Variants in CLK3 observed in about 807,000 individuals in gnomAD.
The protein encoded by CLK3 is CDC like kinase 3.
CLK3 carries 24 observed loss-of-function variants against 65.2 expected under a neutral mutation model. The observed-to-expected ratio is 0.37, with a 90% CI of 0.27 to 0.52. The LOEUF (loss-of-function observed/expected upper bound fraction) is 0.52. Ranked by LOEUF, CLK3 falls within the 20% of genes least tolerant of loss-of-function variation. The pLI, the probability that CLK3 is intolerant of heterozygous loss-of-function variation, is 0.92. For synonymous variants in CLK3, 252 were observed against 240.8 expected, an observed-to-expected ratio of 1.05 and a Z score of -0.43; for missense variants, 506 against 660.0, an observed-to-expected ratio of 0.77 and a Z score of 2.56.
chr15:74,619,918 C>T (rs1165840695), intron 2 of CLK3, 91 bp from the exon 3 acceptor site: 1 of 1,583,022 alleles, frequency 6.3e-7, no homozygotes, highest in Non-Finnish European at 8.6e-7. Flanking sequence ...GGCTGTCCCC[C>T]TTTAGCCCTT....
chr15:74,615,930 AGCGGCG>A, intron 1 of CLK3, 32 bp downstream of exon 1: 1 of 1,235,778 alleles, frequency 8.1e-7, no homozygotes, highest in African/African-American at 1.6e-5. Context: ...CGGCGGCGAC[AGCGGCG>A]GCGGCGGCCG....
At chr15:74,617,056 A>G (rs987373625) in intron 1 of CLK3, among the ~76,000 whole-genome samples, 4 of 152,206 alleles carry the variant, frequency 2.6e-5, no homozygotes, top group African/African-American at 9.7e-5. Flanking sequence ...GCTATTTCCA[A>G]TATTTTACTT....
chr15:74,622,191 G>A lies in CLK3; in HGVS notation c.441G>A (p.Arg147=). Residue 147 remains arginine, a synonymous_variant, in exon 4 of 13, where the codon CGG becomes CGA. Transcript: ENST00000395066. This position sits in a 1 kb window ranked among gnomAD's most constrained non-coding sequence, Gnocchi z 4.6. ...ACAAGGAGGGTCACCTGGTGTGCCG[G>A]ATCGGCGATTGGCTCCAAGAGCGAT... The part of the protein sequence containing the change: ...EDDKEGHLVC[R]IGDWLQERYE... The A allele has an allele frequency of 6.2e-7, 1 of 1,613,904 alleles. No individual in the cohort carries two copies. Among genetic ancestry groups the A allele is most frequent in the Non-Finnish European group, 8.5e-7 (1 of 1,179,794 alleles).
chr15:74,615,262 G>A (rs1381472410), upstream of CLK3: 3 of 444,202 alleles, frequency 6.8e-6, no homozygotes, highest in Non-Finnish European at 1.1e-5. Context: ...AGTAGCTCTA[G>A]GGTATCTTCC....
Position 74,620,125 on chromosome 15 carries a change from G to A in CLK3, c.269G>A (p.Arg90His), listed in dbSNP as rs772738675. The change falls in exon 3 of 13, where the codon CGT becomes CAT. Residue 90 changes from arginine (R) to histidine (H), a missense_variant. Around this residue, in one of 2 missense-constraint regions of CLK3, gnomAD observed 181 missense variants for 159.4 expected, o/e 1.14. Coordinates refer to ENST00000395066, the MANE Select transcript of CLK3 (RefSeq NM_001130028.2). ...GACTACTATGGACCTTCACGTTCTC[G>A]TCATCGTCGGCGATCGCGGGAGAGG... is the stretch of plus-strand genomic sequence containing the variant. ...GEDYYGPSRSRHRRRSRERGP... is the reference protein window; with the variant it reads ...GEDYYGPSRSHHRRRSRERGP... The A allele has an allele frequency of 3.6e-5, 58 of 1,614,046 alleles. No homozygotes were observed. The highest frequency in any genetic ancestry group is 1.8e-4 in the East Asian group (8 of 44,896).
chr15:74,627,072 G>A lies in CLK3; in HGVS notation c.818-280G>A. Reference sequence around the variant, plus strand: ...GTAGCTCTGCTGAGAGACAGGTGAGGAGGCCTGGTCTCTGCAGAGGAGAGG... The same window carrying A: ...GTAGCTCTGCTGAGAGACAGGTGAGAAGGCCTGGTCTCTGCAGAGGAGAGG... On this transcript the variant is annotated intron_variant, in intron 7 of 12. Coordinates refer to ENST00000395066, the MANE Select transcript of CLK3 (RefSeq NM_001130028.2). This position sits in a 1 kb window ranked among gnomAD's most constrained non-coding sequence, Gnocchi z 4.3. The A allele has an allele frequency of 3.7e-6, 2 of 538,738 alleles. No individual in the cohort carries two copies. The highest frequency in any genetic ancestry group is 7.1e-6 in the Non-Finnish European group (2 of 280,654). 33.4% of individuals were successfully genotyped at this position (538,738 alleles called of 1,614,324 possible).
Position 74,620,038 on chromosome 15 carries a change from A to C in CLK3, c.182A>C (p.Tyr61Ser). ...SHDRLPYQRR[Y>S]RERRDSDTYR... ...GACCGCCTGCCCTACCAGAGGAGGT[A>C]CCGGGAGCGCCGTGACAGCGATACA... Residue 61 changes from tyrosine (Y) to serine (S), a missense_variant, in exon 3 of 13, where the codon TAC (tyrosine) becomes TCC (serine). This residue lies in a region of CLK3 where 181 missense variants were observed against 159.4 expected (regional missense o/e 1.14). Coordinates refer to ENST00000395066, the MANE Select transcript of CLK3 (RefSeq NM_001130028.2). The C allele has an allele frequency of 6.2e-7, 1 of 1,614,120 alleles. No individual in the cohort carries two copies. The highest frequency in any genetic ancestry group is 1.6e-4 in the Middle Eastern group (1 of 6,062).
intron 3 of CLK3, 24 bp downstream of exon 3, chr15:74,620,249 G>A: frequency 6.2e-7 from 1 of 1,612,810 alleles, no homozygotes; most frequent in Admixed American, 1.7e-5. Flanking sequence ...AGAGTGTGCT[G>A]GCTGGGGCTT....
rs779526171 is a variant in CLK3 at position 74,628,999 on chromosome 15, C to T, written c.1263C>T (p.Gly421=). ...GLVWDENSSD[G]RYVKENCKPL... The stretch of plus-strand genomic sequence containing the variant: ...TTTGGGATGAGAACAGCTCTGACGG[C>T]CGGTATGTGAAGGAGAACTGCAAAC... The change falls in exon 12 of 13, where the codon GGC becomes GGT. Residue 421 remains glycine, a synonymous_variant. Coordinates refer to ENST00000395066, the MANE Select transcript of CLK3 (RefSeq NM_001130028.2). 7 of 1,613,916 alleles carry T rather than the reference C, an allele frequency of 4.3e-6. No individual in the cohort carries two copies. The highest frequency in any genetic ancestry group is 5.9e-6 in the Non-Finnish European group (7 of 1,179,806).
At chr15:74,628,548 C>G (rs767319386) in intron 10 of CLK3, 56 bp from the exon 11 acceptor site, 1 of 1,317,394 alleles carries the variant, frequency 7.6e-7, no homozygotes, top group Non-Finnish European at 1.1e-6. Flanking sequence ...CCTTTTTCTC[C>G]TTGAAGGGGC....
In CLK3 at chr15:74,629,044, G is replaced by T. The variant is rs775215681; in HGVS notation, c.1296+12G>T. The stretch of plus-strand genomic sequence containing the variant: ...GCAAACCTCTGAAGGTCAGTTTCTG[G>T]CTACCCCCAGCTGAACTCATGCCAA... On this transcript the variant is annotated intron_variant, in intron 12 of 12. Coordinates refer to ENST00000395066, the MANE Select transcript of CLK3 (RefSeq NM_001130028.2). 1 of 1,594,056 alleles carries T rather than the reference G, an allele frequency of 6.3e-7. No individual in the cohort carries two copies.
intron 12 of CLK3, 191 bp from the exon 13 acceptor site, chr15:74,629,516 C>G: frequency 3.3e-6 from 2 of 599,084 alleles, no homozygotes; most frequent in Non-Finnish European, 5.9e-6. Context: ...CTGGCAAGTT[C>G]CGAGCAAAAC....
At chr15:74,615,302 TG>T, upstream of CLK3, 4 of 660,540 alleles carry the variant, frequency 6.1e-6, no homozygotes, top group South Asian at 7.7e-5. Context: ...ACTGGCGAGC[TG>T]GGAGCGCCAC....
At chr15:74,620,341 T>C in intron 3 of CLK3, 116 bp downstream of exon 3, 28 of 1,331,892 alleles carry the variant, frequency 2.1e-5, no homozygotes, top group Non-Finnish European at 2.7e-5. Context: ...TGCACTGGTG[T>C]GCGTGCATGT....
chr15:74,624,873 A>G lies in CLK3; in HGVS notation c.534-29A>G, dbSNP rs752581307. 7 of 1,539,590 alleles carry G rather than the reference A, an allele frequency of 4.5e-6. No individual in the cohort carries two copies. Among genetic ancestry groups the G allele is most frequent in the Non-Finnish European group, 6.2e-6 (7 of 1,122,362 alleles). ...GGGAAGGACTGGGCAGCTGCTGATG[A>G]GAACCTCTGTTTCCTTCCCGGGTAC... is the stretch of plus-strand genomic sequence containing the variant. On this transcript the variant is annotated intron_variant, in intron 5 of 12. Coordinates refer to ENST00000395066, the MANE Select transcript of CLK3 (RefSeq NM_001130028.2). The surrounding 1 kb of genome is among the most constrained non-coding windows in gnomAD (Gnocchi z 4.2).
chr15:74,620,269 A>G, intron 3 of CLK3, 44 bp downstream of exon 3: 1 of 1,609,000 alleles, frequency 6.2e-7, no homozygotes, highest in Non-Finnish European at 8.5e-7. Flanking sequence ...TAAAGGCCTC[A>G]TCTCTTCCTA....
Position 74,621,928 on chromosome 15 carries a change from G to A in CLK3, c.370-192G>A. On this transcript the variant is annotated intron_variant, in intron 3 of 12. Coordinates refer to ENST00000395066, the MANE Select transcript of CLK3 (RefSeq NM_001130028.2). This position sits in a 1 kb window ranked among gnomAD's most constrained non-coding sequence, Gnocchi z 4.8. The stretch of plus-strand genomic sequence containing the variant: ...TTGAAGTCAGTTTGTGTCTTGACGT[G>A]TCCCTTGCAATATCCCTATCGTTAT... The A allele has an allele frequency of 1.5e-6, 1 of 664,652 alleles. No individual in the cohort carries two copies. Among genetic ancestry groups the A allele is most frequent in the Non-Finnish European group, 2.8e-6 (1 of 358,358 alleles). The allele number at this position is 664,652 out of a possible 1,614,324, so 41.2% of individuals were successfully genotyped here.
At chr15:74,619,468 T>A in intron 2 of CLK3, 120 bp downstream of exon 2, 1 of 1,136,488 alleles carries the variant, frequency 8.8e-7, no homozygotes. Flanking sequence ...CCCTGCCCTG[T>A]CCTCTTTGGG....
chr15:74,626,343 G>T (rs1006699867), intron 7 of CLK3, among the ~76,000 whole-genome samples: 2 of 152,218 alleles, frequency 1.3e-5, no homozygotes, highest in East Asian at 1.9e-4. Context: ...GAGACCCTCG[G>T]TCTAACCCTG....
Sources: allele counts gnomAD v4.1 joint callset (sites outside exome capture counted in the v4.1 genomes callset), GRCh38; gene constraint gnomAD v4.1.1; regional missense constraint gnomAD v4.1.1; non-coding constraint Gnocchi (gnomAD v3.1); transcripts MANE v1.5; gene names NCBI Gene and HGNC (gene_info 2026-07-23, HGNC 2026-07-21).